Variants in SYNPR observed in about 807,000 individuals in gnomAD.
SYNPR encodes synaptoporin.
A neutral mutation model predicts 32.9 loss-of-function variants in SYNPR; 23 were observed. That is an observed-to-expected ratio of 0.70 (90% confidence interval 0.50 to 0.99). The LOEUF is 0.99. Ranked by LOEUF, SYNPR falls within the 50% of genes least tolerant of loss-of-function variation. SYNPR has a pLI of 0.00. For missense variants in SYNPR, 318 were observed against 349.3 expected (o/e 0.91, Z 0.71); for synonymous variants, 146 against 135.9 (o/e 1.07, Z -0.52).
intron 4 of SYNPR, among the ~76,000 whole-genome samples, chr3:63,586,168 G>C (rs1703180933): frequency 6.6e-6 from 1 of 151,950 alleles, no homozygotes; most frequent in African/African-American, 2.4e-5. Flanking sequence ...CAGATGGGTT[G>C]ATATATGACA....
At chr3:63,527,439 C>CA (rs1374349142) in intron 3 of SYNPR, among the ~76,000 whole-genome samples, 1 of 151,954 alleles carries the variant, frequency 6.6e-6, no homozygotes, top group Non-Finnish European at 1.5e-5. Flanking sequence ...ATGCAAGCAG[C>CA]AATCAGTAGC....
chr3:63,371,086 A>G (rs1207250571), intron 2 of SYNPR, among the ~76,000 whole-genome samples: 1 of 152,122 alleles, frequency 6.6e-6, no homozygotes, highest in Non-Finnish European at 1.5e-5. Context: ...GAGAGGAATG[A>G]GACAAGACAA....
intron 2 of SYNPR, among the ~76,000 whole-genome samples, chr3:63,352,515 CT>C: frequency 6.6e-6 from 1 of 152,182 alleles, no homozygotes; most frequent in East Asian, 1.9e-4. Context: ...TTCCAGCTAA[CT>C]GATGTAAACA....
At chr3:63,481,676 C>T (rs1005731549) in intron 3 of SYNPR, among the ~76,000 whole-genome samples, 7 of 152,130 alleles carry the variant, frequency 4.6e-5, no homozygotes, top group South Asian at 4.1e-4. Context: ...ATATTAAGCA[C>T]GTAATCCCTG....
chr3:63,501,494 C>CAAAAAAAAAAAAAAAAAAAAA (rs377290258), intron 3 of SYNPR, among the ~76,000 whole-genome samples: 2 of 96,734 alleles, frequency 2.1e-5, no homozygotes, highest in South Asian at 3.4e-4. Context: ...CTCCCCCAAC[C>CAAAAAAAAAAAAAAAAAAAAA]AAAAAAAAAA....
chr3:63,257,560 T>C (rs541589346), intron 2 of SYNPR, among the ~76,000 whole-genome samples: 2,796 of 152,170 alleles, frequency 0.018, 87 homozygotes, highest in African/African-American at 0.063. Flanking sequence ...AAAGAGCTCC[T>C]GAAGGAAGCA....
chr3:63,560,041 C>T (rs2106832539), intron 4 of SYNPR, among the ~76,000 whole-genome samples: 1 of 152,288 alleles, frequency 6.6e-6, no homozygotes, highest in Admixed American at 6.5e-5. Flanking sequence ...GCTGCTTTAT[C>T]TCTGTGTAAA....
At chr3:63,323,400 A>G (rs2087131883) in intron 2 of SYNPR, among the ~76,000 whole-genome samples, 1 of 152,118 alleles carries the variant, frequency 6.6e-6, no homozygotes, top group Non-Finnish European at 1.5e-5. Context: ...AATTTATTCA[A>G]TTCTACAGGC....
intron 3 of SYNPR, among the ~76,000 whole-genome samples, chr3:63,481,845 A>G (rs1192011906): frequency 6.6e-6 from 1 of 152,064 alleles, no homozygotes; most frequent in Non-Finnish European, 1.5e-5. Flanking sequence ...GGAGATGAAA[A>G]CTGCCAATGG....
chr3:63,576,168 G>A (rs143822677), intron 4 of SYNPR, among the ~76,000 whole-genome samples: 6 of 152,154 alleles, frequency 3.9e-5, no homozygotes, highest in South Asian at 2.1e-4. Context: ...GATCAGCAGC[G>A]TCCATCATCC....
At chr3:63,604,099 T>C (rs1487502207) in intron 4 of SYNPR, among the ~76,000 whole-genome samples, 1 of 152,200 alleles carries the variant, frequency 6.6e-6, no homozygotes, top group East Asian at 1.9e-4. Flanking sequence ...AATTTGTCCA[T>C]GTCTTCTAGG....
intron 2 of SYNPR, among the ~76,000 whole-genome samples, chr3:63,335,352 CA>C (rs35394118): frequency 0.16 from 13,556 of 84,722 alleles, 384 homozygotes; most frequent in African/African-American, 0.17. Flanking sequence ...GACTCCGTCT[CA>C]AAAAAAAAAA....
the SYNPR span, among the ~76,000 whole-genome samples, chr3:63,222,840 A>T: frequency 6.6e-6 from 1 of 152,162 alleles, no homozygotes. Context: ...CATTTTAAAA[A>T]TAAGTGCCAG....
chr3:63,368,518 G>T (rs1190948556), intron 2 of SYNPR, among the ~76,000 whole-genome samples: 1 of 152,164 alleles, frequency 6.6e-6, no homozygotes, highest in Admixed American at 6.5e-5. Flanking sequence ...TGAAAAAGGC[G>T]ATGATTGAGT....
chr3:63,370,080 C>A (rs2087776771), intron 2 of SYNPR, among the ~76,000 whole-genome samples: 1 of 152,098 alleles, frequency 6.6e-6, no homozygotes, highest in Non-Finnish European at 1.5e-5. Context: ...TGTAGATAAT[C>A]CACATTCTTT....
At chr3:63,288,165 T>C (rs1457229266) in intron 2 of SYNPR, among the ~76,000 whole-genome samples, 1 of 152,180 alleles carries the variant, frequency 6.6e-6, no homozygotes, top group Admixed American at 6.5e-5. Flanking sequence ...CATAAGTCAA[T>C]AGCCAGTCTA....
chr3:63,601,425 T>G (rs961128808), intron 4 of SYNPR, among the ~76,000 whole-genome samples: 2 of 152,202 alleles, frequency 1.3e-5, no homozygotes, highest in Non-Finnish European at 2.9e-5. Flanking sequence ...TCACGGGGGC[T>G]TGGTGTACCA....
chr3:63,593,666 T>A (rs1699880188), intron 4 of SYNPR, among the ~76,000 whole-genome samples: 1 of 152,178 alleles, frequency 6.6e-6, no homozygotes, highest in South Asian at 2.1e-4. Context: ...AAACCCTACA[T>A]TAATTCTCAA....
chr3:63,588,861 T>A (rs751931761), intron 4 of SYNPR, among the ~76,000 whole-genome samples: 1 of 152,018 alleles, frequency 6.6e-6, no homozygotes, highest in African/African-American at 2.4e-5. Context: ...CTCAAGCTTA[T>A]CTTTCTAAGA....
Sources: gnomAD v4.1 joint callset for allele counts (sites outside exome capture counted in the v4.1 genomes callset) on GRCh38, gnomAD v4.1.1 for gene constraint, MANE v1.5 for transcripts, NCBI Gene and HGNC (gene_info 2026-07-23, HGNC 2026-07-21) for gene names.